The following TPST1 variants were observed in gnomAD, a reference collection of about 807,000 sequenced individuals.
TPST1 encodes the protein protein-tyrosine sulfotransferase 1.
In TPST1, 20 loss-of-function variants were observed where a neutral mutation model predicts 34.8. The ratio of observed to expected loss-of-function variants is 0.57; its 90% CI spans 0.40 to 0.84. The LOEUF is 0.84. Among genes scored for constraint, TPST1 ranks in the 40% least tolerant of loss-of-function variants. The pLI, the probability that TPST1 is intolerant of heterozygous loss-of-function variation, is 0.00. For synonymous variants in TPST1, 152 were observed against 159.4 expected (o/e 0.95, Z 0.35); for missense variants, 353 against 455.5 (o/e 0.78, Z 2.05).
chr7:66,214,945 ATATT>A (rs948003036), intron 1 of TPST1, among the ~76,000 whole-genome samples: 2 of 117,842 alleles, frequency 1.7e-5, no homozygotes, highest in African/African-American at 6.9e-5. Flanking sequence ...TATATAATAT[ATATT>A]ATATATTACA....
intron 1 of TPST1, among the ~76,000 whole-genome samples, chr7:66,212,923 G>T (rs60128141): frequency 0.066 from 10,052 of 152,124 alleles, 1,085 homozygotes; most frequent in African/African-American, 0.23. Flanking sequence ...TTTCAGATAA[G>T]AAACCCTGTC....
intron 2 of TPST1, among the ~76,000 whole-genome samples, chr7:66,271,583 T>C (rs1244440035): frequency 6.6e-6 from 1 of 152,214 alleles, no homozygotes; most frequent in African/African-American, 2.4e-5. Flanking sequence ...TGATGTGTTT[T>C]ACTTTTTTAG....
At chr7:66,254,874 G>A (rs1178272057) in intron 2 of TPST1, among the ~76,000 whole-genome samples, 2 of 152,158 alleles carry the variant, frequency 1.3e-5, no homozygotes, top group African/African-American at 2.4e-5. Context: ...GTTGCCAGGC[G>A]TGGTGGCTCA....
At chr7:66,311,691 T>C (rs1275328731) in intron 3 of TPST1, among the ~76,000 whole-genome samples, 1 of 152,104 alleles carries the variant, frequency 6.6e-6, no homozygotes, top group African/African-American at 2.4e-5. Flanking sequence ...GGTAATTGGA[T>C]TGGAGAGAGA....
At chr7:66,272,198 A>G (rs1790717444) in intron 2 of TPST1, among the ~76,000 whole-genome samples, 1 of 152,264 alleles carries the variant, frequency 6.6e-6, no homozygotes, top group Non-Finnish European at 1.5e-5. Flanking sequence ...TTTCTGGTGA[A>G]TATAGATGCA....
chr7:66,325,281 T>G (rs1295553533), intron 3 of TPST1, among the ~76,000 whole-genome samples: 1 of 152,166 alleles, frequency 6.6e-6, no homozygotes, highest in Non-Finnish European at 1.5e-5. Context: ...GACTTCCACC[T>G]GGTCTCTCCC....
chr7:66,202,901 C>T (rs879369559), upstream of TPST1, among the ~76,000 whole-genome samples: 27 of 152,252 alleles, frequency 1.8e-4, no homozygotes, highest in Non-Finnish European at 2.9e-4. Context: ...TGGCAAAACC[C>T]TGTCTCTAAT....
chr7:66,294,883 C>G (rs1791161156), intron 3 of TPST1, among the ~76,000 whole-genome samples: 1 of 151,994 alleles, frequency 6.6e-6, no homozygotes, highest in South Asian at 2.1e-4. Flanking sequence ...GAGCATTTTC[C>G]CATTGTGTGC....
chr7:66,343,497 G>A lies in TPST1; in HGVS notation c.1045-9008G>A, dbSNP rs923633376. 2.6e-5 allele frequency among the ~76,000 whole-genome samples: 4 copies of A among 152,170 alleles called. No individual in the cohort carries two copies. The South Asian group carries it at 8.3e-4, about 32-fold the overall frequency. On this transcript the variant is annotated intron_variant, in intron 3 of 5. Coordinates refer to ENST00000304842, the MANE Select transcript of TPST1 (RefSeq NM_003596.4). ...TAGCAGGATCAGTTGTACCCCAGACGTCAGCATCACACAAAATACCCTTGT... is the reference window on the plus strand; with the variant it reads ...TAGCAGGATCAGTTGTACCCCAGACATCAGCATCACACAAAATACCCTTGT...
At chr7:66,277,372 A>C (rs1790841077) in intron 2 of TPST1, among the ~76,000 whole-genome samples, 1 of 152,134 alleles carries the variant, frequency 6.6e-6, no homozygotes, top group African/African-American at 2.4e-5. Flanking sequence ...CTCAGTTTTC[A>C]GATGCGTTGT....
At chr7:66,217,791 G>C (rs900411570) in intron 1 of TPST1, among the ~76,000 whole-genome samples, 1 of 151,880 alleles carries the variant, frequency 6.6e-6, no homozygotes, top group African/African-American at 2.4e-5. Flanking sequence ...TCACCATGTT[G>C]ACCAGGATGG....
intron 3 of TPST1, among the ~76,000 whole-genome samples, chr7:66,335,880 A>G (rs58671031): frequency 7.2e-5 from 11 of 152,218 alleles, no homozygotes; most frequent in Admixed American, 2.6e-4. Context: ...GCATCAACAT[A>G]AACAAGCAAT....
At chr7:66,249,424 C>T (rs989001840) in intron 2 of TPST1, among the ~76,000 whole-genome samples, 2 of 152,126 alleles carry the variant, frequency 1.3e-5, no homozygotes, top group Admixed American at 6.5e-5. Context: ...TTCTGAATTA[C>T]CTGTCTAATG....
chr7:66,346,243 A>G (rs572664346), intron 3 of TPST1, among the ~76,000 whole-genome samples: 8 of 152,018 alleles, frequency 5.3e-5, no homozygotes, highest in Admixed American at 1.3e-4. Context: ...GGACACTTAG[A>G]TTGATCCCAA....
chr7:66,359,789 A>C (rs1313308483), intron 5 of TPST1, 106 bp from the exon 6 acceptor site: 1 of 433,002 alleles, frequency 2.3e-6, no homozygotes, highest in African/African-American at 2.0e-5. Context: ...AACCTCCCCA[A>C]CCGCCTGGCT....
At chr7:66,307,095 G>A (rs973073832) in intron 3 of TPST1, among the ~76,000 whole-genome samples, 1 of 151,848 alleles carries the variant, frequency 6.6e-6, no homozygotes, top group African/African-American at 2.4e-5. Context: ...GGATGTAGGT[G>A]GCTTAACCTC....
intron 2 of TPST1, among the ~76,000 whole-genome samples, chr7:66,260,925 G>A (rs1790473621): frequency 6.6e-6 from 1 of 152,062 alleles, no homozygotes; most frequent in Admixed American, 6.5e-5. Flanking sequence ...GTGAGTTCTG[G>A]GCACAGTTCC....
intron 1 of TPST1, among the ~76,000 whole-genome samples, chr7:66,226,890 A>G (rs1268065144): frequency 1.3e-5 from 2 of 152,002 alleles, no homozygotes; most frequent in Admixed American, 1.3e-4. Context: ...TGAACAACAA[A>G]CTACTGTTTT....
At chr7:66,338,226 TAAAA>T (rs915607286) in intron 3 of TPST1, among the ~76,000 whole-genome samples, 3 of 151,568 alleles carry the variant, frequency 2.0e-5, no homozygotes, top group Non-Finnish European at 4.4e-5. Flanking sequence ...TCAAGATGGT[TAAAA>T]AAAAGACAAG....
Sources: allele counts gnomAD v4.1 joint callset (sites outside exome capture counted in the v4.1 genomes callset), GRCh38; gene constraint gnomAD v4.1.1; transcripts MANE v1.5; gene names NCBI Gene and HGNC (gene_info 2026-07-23, HGNC 2026-07-21).